The following MSRA variants were observed in gnomAD, a reference collection of about 807,000 sequenced individuals.
MSRA encodes methionine sulfoxide reductase A, also known as mitochondrial peptide methionine sulfoxide reductase.
Under a neutral mutation model 31.3 loss-of-function variants are expected in MSRA, and 54 were observed. That is an observed-to-expected ratio of 1.73 (90% CI 1.39 to 2.17). The LOEUF is 2.17. Among genes scored for constraint, MSRA ranks in the 30% most tolerant of loss-of-function variants. MSRA has a pLI of 0.00. For missense variants in MSRA, 507 were observed against 300.9 expected (o/e 1.69, Z -5.07); for synonymous variants, 169 against 116.5 (o/e 1.45, Z -2.90).
intron 5 of MSRA, among the ~76,000 whole-genome samples, chr8:10,393,201 G>A (rs1229725331): frequency 2.6e-5 from 4 of 152,118 alleles, no homozygotes; most frequent in African/African-American, 4.8e-5. Flanking sequence ...CGCCCCCCGT[G>A]TTTCTATTCA....
intron 1 of MSRA, among the ~76,000 whole-genome samples, chr8:10,119,677 G>A (rs17151128): frequency 0.054 from 8,245 of 152,258 alleles, 746 homozygotes; most frequent in African/African-American, 0.19. Flanking sequence ...TTATTGGAGA[G>A]CACCAGGTTG....
At chr8:10,117,697 A>G (rs1171843544) in intron 1 of MSRA, among the ~76,000 whole-genome samples, 3 of 152,220 alleles carry the variant, frequency 2.0e-5, no homozygotes, top group Non-Finnish European at 2.9e-5. Flanking sequence ...AAGCAAATAC[A>G]TTTCAGGGTC....
At chr8:10,141,989 G>A (rs1459074011) in intron 1 of MSRA, among the ~76,000 whole-genome samples, 8 of 152,018 alleles carry the variant, frequency 5.3e-5, no homozygotes, top group South Asian at 2.1e-4. Context: ...ATGGAGTTTC[G>A]CACTTGTTTC....
chr8:10,141,100 C>G (rs1802666794), intron 1 of MSRA, among the ~76,000 whole-genome samples: 2 of 152,180 alleles, frequency 1.3e-5, no homozygotes, highest in African/African-American at 2.4e-5. Context: ...TCAAATCCAA[C>G]AAACCCTGCG....
chr8:10,108,818 T>A lies in MSRA; in HGVS notation c.142+54160T>A, dbSNP rs1187881344. On this transcript the variant is annotated intron_variant, in intron 1 of 5. Transcript: ENST00000317173. ...GAGTTGTTGGGAAATTTTTTTTTTT[T>A]AGTTCTCTGTCTCTCCACTCCTTTT... Among the ~76,000 whole-genome samples the A allele has an allele frequency of 2.6e-5, 4 of 151,954 alleles. 1 individual carries two copies. The highest frequency in any genetic ancestry group is 5.9e-5 in the Non-Finnish European group (4 of 67,980).
intron 2 of MSRA, among the ~76,000 whole-genome samples, chr8:10,244,900 T>A (rs113320351): frequency 6.6e-6 from 1 of 152,190 alleles, no homozygotes; most frequent in African/African-American, 2.4e-5. Flanking sequence ...CAAAGAGATA[T>A]TCTATGCAAA....
rs563387161 is a variant in MSRA at position 10,250,671 on chromosome 8, G to C, written c.331+5448G>C. The C allele has an allele frequency of 5.2e-6, 3 of 576,384 alleles. No homozygotes were observed. In the East Asian group the frequency reaches 8.4e-5, roughly 16 times the overall value. The allele number at this position is 576,384 out of a possible 1,614,324, so 35.7% of individuals were successfully genotyped here. A position where few individuals can be genotyped will look rare whatever the true frequency, so the allele number is the denominator to read the frequency against. On this transcript the variant is annotated intron_variant, in intron 3 of 5. Transcript: ENST00000317173. ...CAGGTGTGGGAAGAGCGGAGTGTGG[G>C]AGTCCTCGTGTGACCCTCTGGGGGT...
At chr8:10,393,006 G>C (rs754296619) in intron 5 of MSRA, among the ~76,000 whole-genome samples, 13 of 145,632 alleles carry the variant, frequency 8.9e-5, no homozygotes, top group Non-Finnish European at 1.2e-4. Context: ...AGCTTGCAGT[G>C]AGCCGAGATA....
chr8:10,321,281 G>C (rs1036196379), intron 5 of MSRA, among the ~76,000 whole-genome samples: 1 of 152,122 alleles, frequency 6.6e-6, no homozygotes, highest in Non-Finnish European at 1.5e-5. Flanking sequence ...CTACTATAAA[G>C]CTAATCTATG....
At chr8:10,335,573 G>T (rs1435612931) in intron 5 of MSRA, among the ~76,000 whole-genome samples, 1 of 152,200 alleles carries the variant, frequency 6.6e-6, no homozygotes, top group Non-Finnish European at 1.5e-5. Flanking sequence ...GATGACCCCG[G>T]CGCCTGATCT....
chr8:10,105,007 C>G (rs150616371), intron 1 of MSRA, among the ~76,000 whole-genome samples: 18 of 152,228 alleles, frequency 1.2e-4, no homozygotes, highest in African/African-American at 3.6e-4. Flanking sequence ...TTTGCTGTTA[C>G]GTTTATTGGT....
intron 3 of MSRA, among the ~76,000 whole-genome samples, chr8:10,278,495 A>C (rs1026094876): frequency 6.6e-6 from 1 of 152,190 alleles, no homozygotes; most frequent in Non-Finnish European, 1.5e-5. Context: ...TGGCTCTGCT[A>C]TCTCCCATAA....
chr8:10,420,735 A>G (rs1232727236), intron 5 of MSRA, among the ~76,000 whole-genome samples: 4 of 152,196 alleles, frequency 2.6e-5, no homozygotes, highest in African/African-American at 9.6e-5. Context: ...CTATCGGGGA[A>G]CAGGGAAGTT....
At chr8:10,067,164 C>T (rs1036474343) in intron 1 of MSRA, among the ~76,000 whole-genome samples, 5 of 152,120 alleles carry the variant, frequency 3.3e-5, no homozygotes, top group African/African-American at 1.2e-4. Flanking sequence ...TGTGCTTTAC[C>T]TATTTGTCCA....
intron 1 of MSRA, among the ~76,000 whole-genome samples, chr8:10,140,445 G>C (rs1186184164): frequency 6.6e-6 from 1 of 152,096 alleles, no homozygotes; most frequent in Non-Finnish European, 1.5e-5. Flanking sequence ...ATTTTTGATT[G>C]GTTTTCACAT....
At chr8:10,137,978 C>T (rs531241106) in intron 1 of MSRA, among the ~76,000 whole-genome samples, 1 of 152,216 alleles carries the variant, frequency 6.6e-6, no homozygotes, top group East Asian at 1.9e-4. Context: ...GAGATTAGTA[C>T]CATGATCAAG....
At chr8:10,182,442 C>G (rs1218730260) in intron 1 of MSRA, among the ~76,000 whole-genome samples, 1 of 152,192 alleles carries the variant, frequency 6.6e-6, no homozygotes, top group Non-Finnish European at 1.5e-5. Flanking sequence ...TTCAGAGTCT[C>G]TCACAAGGCT....
intron 4 of MSRA, 148 bp from the exon 5 acceptor site, chr8:10,319,735 T>A (rs1801934140): frequency 2.3e-6 from 1 of 429,868 alleles, no homozygotes; most frequent in Non-Finnish European, 4.2e-6. Context: ...GAAAATGCTG[T>A]AAACAGAAAA....
chr8:10,334,190 G>GTGTGTGTGTGTGTGTGTGTATTTA (rs1187533694), intron 5 of MSRA, among the ~76,000 whole-genome samples: 4 of 22,962 alleles, frequency 1.7e-4, no homozygotes, highest in African/African-American at 5.9e-4. Context: ...GTGTATTTAT[G>GTGTGTGTGTGTGTGTGTGTATTTA]TGTGTGTGTG....
Sources: allele counts gnomAD v4.1 joint callset (sites outside exome capture counted in the v4.1 genomes callset), GRCh38; gene constraint gnomAD v4.1.1; transcripts MANE v1.5; gene names NCBI Gene and HGNC (gene_info 2026-07-23, HGNC 2026-07-21).